Variants in SMARCA4 observed in about 807,000 individuals in gnomAD.
SMARCA4 encodes SWI/SNF related BAF chromatin remodeling complex subunit ATPase 4.
SMARCA4 carries 31 observed loss-of-function variants against 193.9 expected under a neutral mutation model. That is an observed-to-expected ratio of 0.16 (90% confidence interval 0.12 to 0.22). SMARCA4 has a LOEUF of 0.22. Ranked by LOEUF, SMARCA4 falls within the 10% of genes least tolerant of loss-of-function variation. The probability of loss-of-function intolerance (pLI) is 1.00; values close to 1 mark genes in which losing one functional copy is unlikely to be tolerated. For synonymous variants in SMARCA4, 942 were observed against 933.1 expected, an observed-to-expected ratio of 1.01 and a Z score of -0.17; for missense variants, 1,148 against 2,296.0, an observed-to-expected ratio of 0.50 and a Z score of 10.22.
At chr19:11,012,676 G>T in intron 15 of SMARCA4, 1 of 480,432 alleles carries the variant, frequency 2.1e-6, no homozygotes, top group Non-Finnish European at 3.9e-6. Flanking sequence ...TAACAGGTGG[G>T]AGTGAGCTGT....
At chr19:10,974,150 A>T (rs1489070966) in intron 1 of SMARCA4, among the ~76,000 whole-genome samples, 1 of 152,130 alleles carries the variant, frequency 6.6e-6, no homozygotes, top group Admixed American at 6.5e-5. Context: ...CAACAAACAG[A>T]TTTCCAAGGG....
intron 23 of SMARCA4, 52 bp from the exon 24 acceptor site, chr19:11,027,732 G>A (rs2146538748): frequency 1.2e-6 from 2 of 1,607,054 alleles, no homozygotes; most frequent in African/African-American, 1.3e-5. Flanking sequence ...CTGCCTGCAG[G>A]GTTCCAGGTT....
chr19:11,010,872 T>A, intron 15 of SMARCA4: 1 of 379,832 alleles, frequency 2.6e-6, no homozygotes, highest in South Asian at 2.1e-5. Context: ...TCGCACCGTG[T>A]GTAGGACTGA....
chr19:10,986,905 G>C lies in SMARCA4; in HGVS notation c.761G>C (p.Gly254Ala), dbSNP rs767708564. 5.0e-6 allele frequency: 8 copies of C among 1,609,302 alleles called. No homozygotes were observed. Among genetic ancestry groups the C allele is most frequent in the South Asian group, 4.4e-5 (4 of 91,012 alleles). Residue 254 changes from glycine to alanine, a missense_variant and splice_region_variant, in exon 5 of 35, where the codon GGT (glycine) becomes GCT (alanine). Physicochemically the swap from Gly to Ala is moderately conservative, Grantham distance 60 (BLOSUM62 0). Transcript: ENST00000344626. This position sits in a 1 kb window ranked among gnomAD's most constrained non-coding sequence, Gnocchi z 6.7. ...CTCTTTTGTTTCTCCCTACATGTAG[G>C]TATGGGAGGGCCCAACATGCCTCCC... ...PAPPNYSRPH[G>A]MGGPNMPPPG... is the part of the protein sequence containing the mutation.
intron 1 of SMARCA4, among the ~76,000 whole-genome samples, chr19:10,963,916 C>G (rs529650982): frequency 1.3e-5 from 2 of 151,766 alleles, no homozygotes; most frequent in Non-Finnish European, 2.9e-5. Flanking sequence ...GCCTGGGTGA[C>G]GAAGCGAGAC....
At chr19:11,048,784 G>T (rs751645981) in intron 30 of SMARCA4, among the ~76,000 whole-genome samples, 1 of 152,222 alleles carries the variant, frequency 6.6e-6, no homozygotes, top group Non-Finnish European at 1.5e-5. Context: ...CCTAGTTCGT[G>T]TTTTATTCTG....
At chr19:11,015,495 G>A (rs561629388) in intron 16 of SMARCA4, among the ~76,000 whole-genome samples, 77 of 152,274 alleles carry the variant, frequency 5.1e-4, no homozygotes, top group African/African-American at 1.8e-3. Context: ...AGCGGGGAAG[G>A]CATGAGATGT....
intron 30 of SMARCA4, among the ~76,000 whole-genome samples, chr19:11,049,212 C>G (rs1267441905): frequency 2.0e-5 from 3 of 152,148 alleles, no homozygotes; most frequent in Non-Finnish European, 4.4e-5. Flanking sequence ...AGGCTAGGGG[C>G]TTGAGTGGGG....
chr19:11,003,669 G>GA (rs1600137891), intron 13 of SMARCA4, among the ~76,000 whole-genome samples: 1 of 151,514 alleles, frequency 6.6e-6, no homozygotes, highest in African/African-American at 2.4e-5. Flanking sequence ...CATTTCAGGT[G>GA]CTTGGCATCC....
At chr19:10,967,476 A>AGTTTTTTTTTTTT (rs1487016829) in intron 1 of SMARCA4, among the ~76,000 whole-genome samples, 10 of 150,738 alleles carry the variant, frequency 6.6e-5, no homozygotes, top group African/African-American at 2.0e-4. Context: ...ACGCCCGGCT[A>AGTTTTTTTTTTTT]ATTTTTTGTA....
At chr19:11,017,183 C>T (rs62129060) in intron 16 of SMARCA4, among the ~76,000 whole-genome samples, 4,942 of 152,324 alleles carry the variant, frequency 0.032, 126 homozygotes, top group Non-Finnish European at 0.053. Context: ...TCTCACACTT[C>T]CACCCTGTGT....
intron 16 of SMARCA4, among the ~76,000 whole-genome samples, chr19:11,017,744 CA>C (rs2089494855): frequency 6.6e-6 from 1 of 152,270 alleles, no homozygotes; most frequent in African/African-American, 2.4e-5. Context: ...TCAGCGGAAG[CA>C]CAGGGTCAGG....
intron 15 of SMARCA4, chr19:11,012,663 A>G (rs980921848): frequency 4.4e-5 from 20 of 451,250 alleles, no homozygotes; most frequent in African/African-American, 1.6e-4. Flanking sequence ...CAGGCAGACA[A>G]TGTAACAGGT....
Position 11,030,678 on chromosome 19 carries a change from A to C in SMARCA4, c.3383-52A>C. The C allele has an allele frequency of 6.4e-7, 1 of 1,558,806 alleles. No individual in the cohort carries two copies. The highest frequency in any genetic ancestry group is 8.7e-7 in the Non-Finnish European group (1 of 1,144,294). On this transcript the variant is annotated intron_variant, in intron 24 of 34. Coordinates refer to ENST00000344626, the MANE Select transcript of SMARCA4 (RefSeq NM_003072.5). This position sits in a 1 kb window ranked among gnomAD's most constrained non-coding sequence, Gnocchi z 5.5. ...GAAGCAGGTGTTCCTTGGTGTCCCC[A>C]CTCTACCCCTGAGGTCACCCCGCTG...
rs2145813336 is a variant in SMARCA4 at position 10,987,667 on chromosome 19, A to G, written c.861A>G (p.Gly287=). The change falls in exon 6 of 35, where the codon GGA becomes GGG. Residue 287 remains glycine (G), a splice_region_variant and synonymous_variant. Coordinates refer to ENST00000344626, the MANE Select transcript of SMARCA4 (RefSeq NM_003072.5). This position sits in a 1 kb window ranked among gnomAD's most constrained non-coding sequence, Gnocchi z 5.3. ...PGGPPKPWPE[G]PMANAAAPTS... ...CCCTGGCCCCTTGCCTTCTCCCAGG[A>G]CCCATGGCGAATGCTGCTGCCCCCA... The G allele has an allele frequency of 6.2e-7, 1 of 1,612,916 alleles. No individual in the cohort carries two copies. Among genetic ancestry groups the G allele is most frequent in the Non-Finnish European group, 8.5e-7 (1 of 1,179,786 alleles).
intron 19 of SMARCA4, among the ~76,000 whole-genome samples, chr19:11,022,787 G>A (rs543168193): frequency 6.6e-6 from 1 of 152,236 alleles, no homozygotes; most frequent in South Asian, 2.1e-4. Flanking sequence ...CGAAACCGAG[G>A]CATTCCCCAA....
chr19:10,986,828 C>G lies in SMARCA4; in HGVS notation c.761-77C>G, dbSNP rs2086089708. 7.4e-7 allele frequency: 1 copy of G among 1,356,448 alleles called. No individual in the cohort carries two copies. Among genetic ancestry groups the G allele is most frequent in the East Asian group, 2.3e-5 (1 of 43,640 alleles). The allele number at this position is 1,356,448 out of a possible 1,614,324, so 84.0% of individuals were successfully genotyped here. A position where few individuals can be genotyped will look rare whatever the true frequency, so the allele number is the denominator to read the frequency against. ...GTGTATCTGCTGTGTCCCCTGGAGC[C>G]AGGGCTGCCCACGGGGCTGGGCGCA... On this transcript the variant is annotated intron_variant, in intron 4 of 34. Coordinates refer to ENST00000344626, the MANE Select transcript of SMARCA4 (RefSeq NM_003072.5). This position sits in a 1 kb window ranked among gnomAD's most constrained non-coding sequence, Gnocchi z 6.7.
chr19:10,964,609 C>T (rs1363312528), intron 1 of SMARCA4, among the ~76,000 whole-genome samples: 13 of 149,838 alleles, frequency 8.7e-5, no homozygotes, highest in Non-Finnish European at 8.9e-5. Flanking sequence ...TGAGCCACCG[C>T]GCCCGGCCTC....
rs899450011 is a variant in SMARCA4, at chr19:11,041,707, G to A, written c.4424+147G>A. ...ACTGACTGAATCTCTGTGTCTTTGA[G>A]CCTGGCCCTGAGGAACATGCTTTCT... On this transcript the variant is annotated intron_variant, in intron 30 of 34. Coordinates refer to ENST00000344626, the MANE Select transcript of SMARCA4 (RefSeq NM_003072.5). This position sits in a 1 kb window ranked among gnomAD's most constrained non-coding sequence, Gnocchi z 5.6. 5.6e-6 allele frequency: 4 copies of A among 713,748 alleles called. No individual in the cohort carries two copies. The highest frequency in any genetic ancestry group is 9.3e-6 in the Non-Finnish European group (4 of 432,380). The allele number at this position is 713,748 out of a possible 1,614,324, so 44.2% of individuals were successfully genotyped here. A position where few individuals can be genotyped will look rare whatever the true frequency, so the allele number is the denominator to read the frequency against.
Sources: allele counts gnomAD v4.1 joint callset (sites outside exome capture counted in the v4.1 genomes callset), GRCh38; gene constraint gnomAD v4.1.1; non-coding constraint Gnocchi (gnomAD v3.1); transcripts MANE v1.5; gene names NCBI Gene and HGNC (gene_info 2026-07-23, HGNC 2026-07-21).